MYO5A: variants seen among roughly 807,000 people sequenced by gnomAD.
MYO5A encodes the protein myosin VA, also known as unconventional myosin-Va.
Under a neutral mutation model 249.7 loss-of-function variants are expected in MYO5A, and 98 were observed. The ratio of observed to expected loss-of-function variants is 0.39; its 90% CI spans 0.33 to 0.46. The LOEUF (loss-of-function observed/expected upper bound fraction) is 0.46. Among genes scored for constraint, MYO5A ranks in the 20% least tolerant of loss-of-function variants. The pLI is 0.98. For synonymous variants in MYO5A, 778 were observed against 810.6 expected (o/e 0.96, Z 0.68); for missense variants, 1,696 against 2,308.8 (o/e 0.73, Z 5.44).
intron 30 of MYO5A, 71 bp downstream of exon 30, chr15:52,346,290 A>G: frequency 1.1e-6 from 1 of 927,272 alleles, no homozygotes; most frequent in Non-Finnish European, 1.7e-6. Context: ...CTTTTACTGT[A>G]CAAGAGGCTG....
chr15:52,416,176 T>C lies in MYO5A; in HGVS notation c.581A>G (p.Glu194Gly). 4 of 1,614,050 alleles carry C rather than the reference T, an allele frequency of 2.5e-6. No individual in the cohort carries two copies. The highest frequency in any genetic ancestry group is 3.4e-6 in the Non-Finnish European group (4 of 1,179,944). ...SGSASEANVEEKVLASNPIME... is the reference protein window; with the variant it reads ...SGSASEANVEGKVLASNPIME... The stretch of plus-strand genomic sequence containing the variant: ...GATGGGGTTGGAGGCCAAGACCTTT[T>C]CCTCCACATTGGCCTCACTGGCAGA... Residue 194 changes from glutamate to glycine, a missense_variant, in exon 5 of 42, where the codon GAA (glutamate) becomes GGA (glycine). Physicochemically the swap from Glu to Gly is moderately conservative, Grantham distance 98 (BLOSUM62 -2). Around this residue, in one of 5 missense-constraint regions of MYO5A, gnomAD observed 197 missense variants for 320.3 expected, o/e 0.62. Transcript: ENST00000399233.
At position 52,319,156 on chromosome 15, in the gene MYO5A, AC is replaced by A. The variant is rs1214143674; in HGVS notation, c.5137del (p.Val1713TrpfsTer9). 3 of 1,614,142 alleles carry A rather than the reference AC, an allele frequency of 1.9e-6. No individual in the cohort carries two copies. The highest frequency in any genetic ancestry group is 2.5e-6 in the Non-Finnish European group (3 of 1,180,012). ...TATGATGTAGAACATCTGCTTGACC[AC>A]CTGCTTGATCAGTTCAGGGTCCATG... ...HGMDPELIKQ[V>X]VKQMFYIIGA... On this transcript the variant is annotated frameshift_variant, in exon 39 of 42. Transcript: ENST00000399233. LOFTEE classifies it high-confidence loss of function.
rs182478301 is a variant in MYO5A, at chr15:52,394,719, A to G, written c.1401+1597T>C. On this transcript the variant is annotated intron_variant, in intron 11 of 41. Transcript: ENST00000399233. ...AAAACAGACAAACTAGCCAGTTCCT[A>G]AAGAGGCTGGCATTGCTTCCTTACA... is the stretch of plus-strand genomic sequence containing the variant. Among the ~76,000 whole-genome samples the G allele has an allele frequency of 1.2e-4, 18 of 152,358 alleles. No homozygotes were observed. In the East Asian group the frequency reaches 2.7e-3, roughly 23 times the overall value.
chr15:52,487,757 A>G (rs1415495091), intron 1 of MYO5A, among the ~76,000 whole-genome samples: 1 of 151,442 alleles, frequency 6.6e-6, no homozygotes, highest in Non-Finnish European at 1.5e-5. Flanking sequence ...ACACTATGAC[A>G]TTTCCTGGTT....
chr15:52,363,379 T>C (rs952377673), intron 24 of MYO5A, among the ~76,000 whole-genome samples: 8 of 152,240 alleles, frequency 5.3e-5, no homozygotes, highest in Non-Finnish European at 7.3e-5. Context: ...GTGACTTGCA[T>C]CTACTTCTAA....
chr15:52,324,113 A>G (rs532736679), intron 36 of MYO5A, among the ~76,000 whole-genome samples: 1 of 151,986 alleles, frequency 6.6e-6, no homozygotes, highest in Admixed American at 6.6e-5. Flanking sequence ...AAAAGCAGAA[A>G]GAGGAATAAC....
At chr15:52,353,529 G>T in intron 27 of MYO5A, 76 bp downstream of exon 27, 1 of 1,259,090 alleles carries the variant, frequency 7.9e-7, no homozygotes, top group South Asian at 1.2e-5. Context: ...GATGTTCTCT[G>T]AGAAAAAGAG....
chr15:52,335,173 C>G (rs1386234662), intron 34 of MYO5A, among the ~76,000 whole-genome samples: 1 of 152,146 alleles, frequency 6.6e-6, no homozygotes, highest in African/African-American at 2.4e-5. Flanking sequence ...GAAGGCTATT[C>G]CAAAGACTGT....
At chr15:52,519,606 T>G (rs61494501) in intron 1 of MYO5A, among the ~76,000 whole-genome samples, 22,183 of 149,954 alleles carry the variant, frequency 0.15, 1,770 homozygotes, top group Middle Eastern at 0.22. Context: ...AACGAGACCT[T>G]GTCTAAAAAA....
chr15:52,519,305 T>C lies in MYO5A; in HGVS notation c.27+9475A>G, dbSNP rs564576529. 4.6e-5 allele frequency among the ~76,000 whole-genome samples: 7 copies of C among 152,300 alleles called. 1 individual carries two copies. The East Asian group carries it at 9.6e-4, about 21-fold the overall frequency. ...AGTAAGAAAGGTGACATAGGGTTCATAGCCCCCAAATTAAGACTGAATAAT... is the reference window on the plus strand; with the variant it reads ...AGTAAGAAAGGTGACATAGGGTTCACAGCCCCCAAATTAAGACTGAATAAT... On this transcript the variant is annotated intron_variant, in intron 1 of 41. Coordinates refer to ENST00000399233, the MANE Select transcript of MYO5A (RefSeq NM_001382347.1).
Position 52,405,304 on chromosome 15 carries a change from C to A in MYO5A, c.1036G>T (p.Asp346Tyr). The A allele has an allele frequency of 6.2e-7, 1 of 1,612,492 alleles. No individual in the cohort carries two copies. The highest frequency in any genetic ancestry group is 1.7e-5 in the Admixed American group (1 of 60,032). ...GAACTTACAGGTATTGTGCAGCTGT[C>A]TGCATCTCGGGATGTAAATCCAACA... is the stretch of plus-strand genomic sequence containing the variant. ...GNVGFTSRDA[D>Y]SCTIPPKHEP... Residue 346 changes from aspartate (D) to tyrosine (Y), a missense_variant, in exon 9 of 42, where the codon GAC becomes TAC. Coordinates refer to ENST00000399233, the MANE Select transcript of MYO5A (RefSeq NM_001382347.1).
intron 24 of MYO5A, 97 bp downstream of exon 24, chr15:52,364,457 G>A: frequency 8.6e-7 from 1 of 1,166,788 alleles, no homozygotes; most frequent in Non-Finnish European, 1.2e-6. Flanking sequence ...TGGGTGGTAG[G>A]TACACAGAAG....
At chr15:52,343,908 G>C (rs572623926) in intron 30 of MYO5A, among the ~76,000 whole-genome samples, 2 of 152,180 alleles carry the variant, frequency 1.3e-5, no homozygotes, top group African/African-American at 4.8e-5. Context: ...AATATTTTTT[G>C]AGTGTTTGCT....
At chr15:52,366,851 G>A (rs915961856) in intron 23 of MYO5A, among the ~76,000 whole-genome samples, 180 bp downstream of exon 23, 6 of 152,120 alleles carry the variant, frequency 3.9e-5, no homozygotes, top group African/African-American at 9.7e-5. Flanking sequence ...ATCAAGCAAC[G>A]AATTCAACCA....
chr15:52,428,681 A>G, intron 2 of MYO5A, 112 bp from the exon 3 acceptor site: 1 of 1,110,796 alleles, frequency 9.0e-7, no homozygotes, highest in South Asian at 1.3e-5. Flanking sequence ...TATTAAATGC[A>G]TTATTTTCCT....
chr15:52,486,402 A>C (rs893249947), intron 1 of MYO5A, among the ~76,000 whole-genome samples: 1 of 152,242 alleles, frequency 6.6e-6, no homozygotes, highest in Non-Finnish European at 1.5e-5. Flanking sequence ...GATTTGACCA[A>C]AGAATGTCTG....
At chr15:52,469,432 G>A (rs1183293543) in intron 1 of MYO5A, among the ~76,000 whole-genome samples, 1 of 152,142 alleles carries the variant, frequency 6.6e-6, no homozygotes, top group African/African-American at 2.4e-5. Flanking sequence ...AAGTGGAAGT[G>A]GAGAATCATA....
chr15:52,373,654 G>GGA (rs2041247455), intron 20 of MYO5A, among the ~76,000 whole-genome samples: 1 of 152,138 alleles, frequency 6.6e-6, no homozygotes. Flanking sequence ...AGTCACAGTG[G>GGA]GAGCCTGAGC....
chr15:52,409,332 G>T, intron 6 of MYO5A, among the ~76,000 whole-genome samples: 1 of 151,744 alleles, frequency 6.6e-6, no homozygotes, highest in Non-Finnish European at 1.5e-5. Flanking sequence ...TCTTTCTTCT[G>T]GTTATCAAAG....
Sources: gnomAD v4.1 joint callset for allele counts (sites outside exome capture counted in the v4.1 genomes callset) on GRCh38, gnomAD v4.1.1 for gene constraint, gnomAD v4.1.1 regional missense constraint, MANE v1.5 for transcripts, NCBI Gene and HGNC (gene_info 2026-07-23, HGNC 2026-07-21) for gene names.